Variants in ZFHX3 observed in about 807,000 individuals in gnomAD.
ZFHX3 encodes the protein zinc finger homeobox 3.
Under a neutral mutation model 279.1 loss-of-function variants are expected in ZFHX3, and 42 were observed. The observed-to-expected ratio is 0.15, with a 90% CI of 0.12 to 0.19. The LOEUF is 0.19. Ranked by LOEUF, ZFHX3 falls within the 10% of genes least tolerant of loss-of-function variation. The pLI is 1.00. For synonymous variants in ZFHX3, 2,293 were observed against 1,957.8 expected (o/e 1.17, Z -4.52); for missense variants, 4,981 against 4,754.0 (o/e 1.05, Z -1.40).
chr16:73,366,948 G>A (rs1356070511), intron 3 of ZFHX3, among the ~76,000 whole-genome samples: 1 of 152,146 alleles, frequency 6.6e-6, no homozygotes, highest in Non-Finnish European at 1.5e-5. Flanking sequence ...AACATTCTGA[G>A]GACCCACATT....
At chr16:73,294,974 G>A (rs145203728) in intron 4 of ZFHX3, among the ~76,000 whole-genome samples, 4,827 of 152,010 alleles carry the variant, frequency 0.032, 255 homozygotes, top group African/African-American at 0.11. Flanking sequence ...AGCACTTTCG[G>A]AGGCCGAGAC....
At chr16:73,514,116 C>A (rs904527328) in intron 2 of ZFHX3, among the ~76,000 whole-genome samples, 1 of 152,048 alleles carries the variant, frequency 6.6e-6, no homozygotes, top group African/African-American at 2.4e-5. Flanking sequence ...AACATGGTGG[C>A]ACGCACCTGT....
chr16:73,366,707 T>C (rs1407243693), intron 3 of ZFHX3, among the ~76,000 whole-genome samples: 1 of 152,052 alleles, frequency 6.6e-6, no homozygotes, highest in Non-Finnish European at 1.5e-5. Flanking sequence ...AAAGTATGTG[T>C]GTGCACATGC....
chr16:73,448,978 G>A (rs912930878), intron 3 of ZFHX3, among the ~76,000 whole-genome samples: 2 of 152,082 alleles, frequency 1.3e-5, no homozygotes, highest in South Asian at 4.1e-4. Flanking sequence ...AGGTTCTAAA[G>A]AACAAGGAAG....
chr16:73,372,429 C>A (rs1382757654), intron 3 of ZFHX3, among the ~76,000 whole-genome samples: 1 of 152,002 alleles, frequency 6.6e-6, no homozygotes, highest in Non-Finnish European at 1.5e-5. Flanking sequence ...GAAGCTCTTG[C>A]CAGAAAACGT....
chr16:73,058,126 C>A (rs1441052028), intron 1 of ZFHX3, among the ~76,000 whole-genome samples: 1 of 144,566 alleles, frequency 6.9e-6, no homozygotes, highest in Non-Finnish European at 1.5e-5. Flanking sequence ...CCCTGCCTGG[C>A]GGCGCCTCCA....
chr16:73,429,102 C>T (rs1453545728), intron 3 of ZFHX3, among the ~76,000 whole-genome samples: 1 of 152,120 alleles, frequency 6.6e-6, no homozygotes, highest in African/African-American at 2.4e-5. Flanking sequence ...TGGGGCAGGG[C>T]CCTCCTTCCT....
At chr16:73,274,017 G>A (rs530268716) in intron 4 of ZFHX3, among the ~76,000 whole-genome samples, 21 of 152,146 alleles carry the variant, frequency 1.4e-4, no homozygotes, top group East Asian at 5.8e-4. Context: ...GGTGGTGCGC[G>A]CCTGTAATCC....
intron 2 of ZFHX3, among the ~76,000 whole-genome samples, chr16:73,579,506 C>T (rs1025539991): frequency 7.6e-5 from 11 of 144,962 alleles, no homozygotes; most frequent in Non-Finnish European, 1.4e-4. Flanking sequence ...TTATTATAAT[C>T]TTTTTTTTTT....
chr16:73,680,883 T>A (rs1297075352), intron 1 of ZFHX3, among the ~76,000 whole-genome samples: 1 of 152,212 alleles, frequency 6.6e-6, no homozygotes, highest in Non-Finnish European at 1.5e-5. Context: ...GAAACCATTA[T>A]TCATATATAA....
At chr16:73,276,177 C>CT (rs529830146) in intron 4 of ZFHX3, among the ~76,000 whole-genome samples, 296 of 135,040 alleles carry the variant, frequency 2.2e-3, no homozygotes, top group Admixed American at 5.2e-3. Flanking sequence ...CTTTTTCTTT[C>CT]TTTTTTTTTT....
At chr16:73,549,862 G>C (rs761799122) in intron 2 of ZFHX3, among the ~76,000 whole-genome samples, 2 of 150,760 alleles carry the variant, frequency 1.3e-5, no homozygotes. Flanking sequence ...TTGATATAGA[G>C]ACTGATTTTT....
At chr16:72,922,363 A>G (rs1008350356) in intron 3 of ZFHX3, among the ~76,000 whole-genome samples, 1 of 152,192 alleles carries the variant, frequency 6.6e-6, no homozygotes, top group African/African-American at 2.4e-5. Flanking sequence ...GTCCCAGACA[A>G]ACAACCTTCC....
chr16:73,273,525 C>T (rs1036317351), intron 4 of ZFHX3, among the ~76,000 whole-genome samples: 3 of 152,090 alleles, frequency 2.0e-5, no homozygotes, highest in Non-Finnish European at 4.4e-5. Flanking sequence ...TATACATAAT[C>T]TGTCCATTTT....
At chr16:73,412,247 A>T (rs1225323256) in intron 3 of ZFHX3, among the ~76,000 whole-genome samples, 2 of 149,896 alleles carry the variant, frequency 1.3e-5, no homozygotes, top group East Asian at 4.0e-4. Flanking sequence ...GGATCATCTG[A>T]GCCTGGGAGG....
At chr16:73,304,959 C>A (rs942414314) in intron 4 of ZFHX3, among the ~76,000 whole-genome samples, 1 of 152,168 alleles carries the variant, frequency 6.6e-6, no homozygotes, top group Non-Finnish European at 1.5e-5. Flanking sequence ...AATTTTTATT[C>A]TTGTGCCGTC....
At chr16:73,891,376 C>A (rs898228767) in intron 1 of ZFHX3, among the ~76,000 whole-genome samples, 11 of 152,036 alleles carry the variant, frequency 7.2e-5, no homozygotes, top group African/African-American at 2.7e-4. Flanking sequence ...CCAGGCAGTC[C>A]TATTTGCATA....
At chr16:73,509,792 T>A (rs1234800154) in intron 2 of ZFHX3, among the ~76,000 whole-genome samples, 1 of 147,288 alleles carries the variant, frequency 6.8e-6, no homozygotes, top group African/African-American at 2.5e-5. Flanking sequence ...ACCCCCGGGG[T>A]TCAAGCAATT....
At chr16:72,844,638 C>T (rs111596407) in intron 4 of ZFHX3, among the ~76,000 whole-genome samples, 3 of 152,082 alleles carry the variant, frequency 2.0e-5, no homozygotes, top group Non-Finnish European at 4.4e-5. Flanking sequence ...GCTCTGGTGA[C>T]CAGAGCAGCT....
Sources: gnomAD v4.1 joint callset for allele counts (sites outside exome capture counted in the v4.1 genomes callset) on GRCh38, gnomAD v4.1.1 for gene constraint, MANE v1.5 for transcripts, NCBI Gene and HGNC (gene_info 2026-07-23, HGNC 2026-07-21) for gene names.